Variants in RARB observed in about 807,000 individuals in gnomAD.
The protein encoded by RARB is HBV-activated protein.
RARB carries 17 observed loss-of-function variants against 51.9 expected under a neutral mutation model. The ratio of observed to expected loss-of-function variants is 0.33; its 90% CI spans 0.22 to 0.49. The LOEUF is 0.49. Ranked by LOEUF, RARB falls within the 20% of genes least tolerant of loss-of-function variation. RARB has a pLI of 0.99. For missense variants in RARB, 369 were observed against 550.8 expected (o/e 0.67, Z 3.30); for synonymous variants, 215 against 195.4 (o/e 1.10, Z -0.84).
chr3:25,540,941 C>G, intron 3 of RARB, among the ~76,000 whole-genome samples: 1 of 146,714 alleles, frequency 6.8e-6, no homozygotes, highest in Non-Finnish European at 1.5e-5. Flanking sequence ...TGGCTTCTAC[C>G]CCAACCACTC....
intron 5 of RARB, among the ~76,000 whole-genome samples, chr3:25,351,650 A>T (rs879771460): frequency 6.6e-6 from 1 of 152,172 alleles, no homozygotes; most frequent in Admixed American, 6.6e-5. Context: ...AAAAGAGGTT[A>T]AAAAAATTGC....
intron 3 of RARB, among the ~76,000 whole-genome samples, chr3:25,086,837 AG>A (rs1699114058): frequency 6.6e-6 from 1 of 152,124 alleles, no homozygotes; most frequent in South Asian, 2.1e-4. Flanking sequence ...GTGGAGAACA[AG>A]GTTCTTATTA....
intron 5 of RARB, among the ~76,000 whole-genome samples, chr3:25,285,376 G>C (rs1257385159): frequency 6.6e-6 from 1 of 152,140 alleles, no homozygotes; most frequent in Non-Finnish European, 1.5e-5. Flanking sequence ...TAGGAAGAGA[G>C]GAGAGAGAGA....
At chr3:25,342,959 G>A (rs1002947504) in intron 5 of RARB, among the ~76,000 whole-genome samples, 5 of 151,746 alleles carry the variant, frequency 3.3e-5, no homozygotes, top group Non-Finnish European at 7.4e-5. Context: ...TGGTTTAAGA[G>A]GGGGGAGGGG....
chr3:25,111,980 C>G (rs1488254453), intron 3 of RARB, among the ~76,000 whole-genome samples: 7 of 152,208 alleles, frequency 4.6e-5, no homozygotes, highest in African/African-American at 1.4e-4. Flanking sequence ...ACACCAACAT[C>G]AATGTTTTTG....
intron 5 of RARB, among the ~76,000 whole-genome samples, chr3:25,254,370 C>G (rs558568690): frequency 6.6e-6 from 1 of 152,264 alleles, no homozygotes. Context: ...CTTGGAGTTT[C>G]TGTATTACTA....
chr3:25,396,432 G>A (rs964755408), intron 5 of RARB, among the ~76,000 whole-genome samples: 1 of 152,198 alleles, frequency 6.6e-6, no homozygotes, highest in African/African-American at 2.4e-5. Context: ...TCTTCAAGTG[G>A]GGTTGTTCTT....
intron 2 of RARB, among the ~76,000 whole-genome samples, chr3:25,469,959 G>C (rs1695607456): frequency 6.6e-6 from 1 of 152,178 alleles, no homozygotes; most frequent in African/African-American, 2.4e-5. Flanking sequence ...GGAACGTGGA[G>C]GAGGGGTGGG....
At chr3:25,028,483 G>A (rs1256012600) in intron 2 of RARB, among the ~76,000 whole-genome samples, 2 of 152,164 alleles carry the variant, frequency 1.3e-5, no homozygotes, top group Admixed American at 6.5e-5. Context: ...AGGCAGAGTC[G>A]TTGCCAATAT....
At chr3:25,437,048 C>T (rs950204953) in intron 1 of RARB, among the ~76,000 whole-genome samples, 3 of 151,924 alleles carry the variant, frequency 2.0e-5, no homozygotes, top group African/African-American at 7.3e-5. Context: ...ATATGGAAGT[C>T]ACCAGGTAGG....
rs562855207 is a variant in RARB, at chr3:25,288,397, CTG to C, written c.178+113824_178+113825del. ...TCACGCTAGACTGTAGTGAGAATTACTGTAAGATTTTTGCAGCTAATTGAAGC... is the reference window on the plus strand; with the variant it reads ...TCACGCTAGACTGTAGTGAGAATTACTAAGATTTTTGCAGCTAATTGAAGC... On this transcript the variant is annotated intron_variant, in intron 5 of 11. Transcript: ENST00000383772. Among the ~76,000 whole-genome samples the C allele has an allele frequency of 1.6e-3, 237 of 152,272 alleles. 1 individual carries two copies. The highest frequency in any genetic ancestry group is 5.3e-3 in the African/African-American group (222 of 41,552).
chr3:25,493,478 C>T (rs527959446), intron 2 of RARB, among the ~76,000 whole-genome samples: 4 of 152,230 alleles, frequency 2.6e-5, no homozygotes, highest in Non-Finnish European at 5.9e-5. Flanking sequence ...TTATTGGCAG[C>T]TCTCTGCTGG....
At chr3:24,959,241 A>G (rs1696087235) in intron 2 of RARB, among the ~76,000 whole-genome samples, 1 of 152,126 alleles carries the variant, frequency 6.6e-6, no homozygotes, top group African/African-American at 2.4e-5. Flanking sequence ...GTAGCCCCTG[A>G]GCTCTTTTTC....
At chr3:25,065,655 G>T (rs1012296209) in intron 3 of RARB, among the ~76,000 whole-genome samples, 14 of 152,216 alleles carry the variant, frequency 9.2e-5, no homozygotes, top group African/African-American at 3.4e-4. Context: ...AGTGAGCGGA[G>T]ACTAAAAGTT....
intron 5 of RARB, among the ~76,000 whole-genome samples, chr3:25,340,391 C>A (rs912817025): frequency 1.3e-5 from 2 of 152,106 alleles, no homozygotes; most frequent in African/African-American, 2.4e-5. Context: ...TCATGCTAAG[C>A]CCTGTTTTCT....
chr3:24,956,870 A>G (rs551672638), intron 2 of RARB, among the ~76,000 whole-genome samples: 1 of 152,308 alleles, frequency 6.6e-6, no homozygotes, highest in South Asian at 2.1e-4. Context: ...CTATGCCTGT[A>G]AGGGAACGAG....
At chr3:25,485,937 G>A (rs1277754933) in intron 2 of RARB, among the ~76,000 whole-genome samples, 1 of 152,196 alleles carries the variant, frequency 6.6e-6, no homozygotes, top group African/African-American at 2.4e-5. Context: ...TGTGGAGTTT[G>A]GAGGGTAAGA....
chr3:25,175,155 C>T (rs1236408528), intron 5 of RARB, among the ~76,000 whole-genome samples: 1 of 152,108 alleles, frequency 6.6e-6, no homozygotes, highest in Non-Finnish European at 1.5e-5. Flanking sequence ...GTATAAGGTA[C>T]TATAAAATAA....
intron 2 of RARB, among the ~76,000 whole-genome samples, chr3:25,476,713 A>G (rs1285873568): frequency 6.6e-6 from 1 of 152,148 alleles, no homozygotes; most frequent in African/African-American, 2.4e-5. Flanking sequence ...ATTCTGTGTA[A>G]ACACCATTTT....
Sources: gnomAD v4.1 joint callset for allele counts (sites outside exome capture counted in the v4.1 genomes callset) on GRCh38, gnomAD v4.1.1 for gene constraint, MANE v1.5 for transcripts, NCBI Gene and HGNC (gene_info 2026-07-23, HGNC 2026-07-21) for gene names.